BTRC: variants seen among roughly 807,000 people sequenced by gnomAD.
BTRC encodes F-box/WD repeat-containing protein 1A.
BTRC carries 42 observed loss-of-function variants against 85.5 expected under a neutral mutation model. The observed-to-expected ratio is 0.49, with a 90% CI of 0.38 to 0.64. The LOEUF (loss-of-function observed/expected upper bound fraction) is 0.64. Among genes scored for constraint, BTRC ranks in the 30% least tolerant of loss-of-function variants. The probability of loss-of-function intolerance (pLI) is 0.00; values close to 1 mark genes in which losing one functional copy is unlikely to be tolerated. For synonymous variants in BTRC, 255 were observed against 263.3 expected, an observed-to-expected ratio of 0.97 and a Z score of 0.30; for missense variants, 594 against 743.5, an observed-to-expected ratio of 0.80 and a Z score of 2.34.
At chr10:101,390,669 T>A (rs1589413801) in intron 1 of BTRC, among the ~76,000 whole-genome samples, 1 of 151,868 alleles carries the variant, frequency 6.6e-6, no homozygotes, top group African/African-American at 2.4e-5. Flanking sequence ...TTTAGTTTTT[T>A]AAAAGACATT....
intron 1 of BTRC, among the ~76,000 whole-genome samples, chr10:101,382,919 A>C (rs1454033046): frequency 6.6e-6 from 1 of 152,148 alleles, no homozygotes; most frequent in African/African-American, 2.4e-5. Flanking sequence ...TACATTGTAA[A>C]AAAGATAAAG....
In BTRC at chr10:101,365,186, G is replaced by A. The variant is rs138381840; in HGVS notation, c.48+10958G>A. Among the ~76,000 whole-genome samples the A allele has an allele frequency of 2.5e-3, 383 of 151,496 alleles. 2 individuals are homozygous for A. Among genetic ancestry groups the A allele is most frequent in the African/African-American group, 8.8e-3 (363 of 41,336 alleles). On this transcript the variant is annotated intron_variant, in intron 1 of 14. Coordinates refer to ENST00000370187, the MANE Select transcript of BTRC (RefSeq NM_033637.4). ...CCTCCCGGGTTCAAGTGATTCTCCT[G>A]CCTTAGCTTCCTGAGTAGCTGGGAT...
chr10:101,432,811 A>G (rs1457861451), intron 2 of BTRC, among the ~76,000 whole-genome samples: 3 of 152,184 alleles, frequency 2.0e-5, no homozygotes, highest in Non-Finnish European at 4.4e-5. Flanking sequence ...TCCTCTCCCC[A>G]TGGAGTCATG....
chr10:101,473,135 C>CT (rs35827933), intron 3 of BTRC, among the ~76,000 whole-genome samples: 45,342 of 147,386 alleles, frequency 0.31, 8,942 homozygotes, highest in East Asian at 0.67. Context: ...TAAGACCGAT[C>CT]TTTTTTTTTT....
At chr10:101,490,833 C>G (rs975152961) in intron 4 of BTRC, among the ~76,000 whole-genome samples, 2 of 151,948 alleles carry the variant, frequency 1.3e-5, no homozygotes, top group Admixed American at 6.6e-5. Flanking sequence ...CCTAGGTGGG[C>G]GGATCACTTG....
At chr10:101,374,551 A>G (rs1220735003) in intron 1 of BTRC, among the ~76,000 whole-genome samples, 2 of 144,756 alleles carry the variant, frequency 1.4e-5, no homozygotes, top group Non-Finnish European at 3.0e-5. Context: ...CAAACACCGC[A>G]TATTCTCACT....
At chr10:101,362,603 C>G (rs990753041) in intron 1 of BTRC, among the ~76,000 whole-genome samples, 4 of 151,428 alleles carry the variant, frequency 2.6e-5, no homozygotes, top group African/African-American at 9.7e-5. Flanking sequence ...CCATGTTGGT[C>G]AGGCTGGTCT....
At chr10:101,366,792 T>TATATATATTATA (rs1364182611) in intron 1 of BTRC, among the ~76,000 whole-genome samples, 1 of 88,084 alleles carries the variant, frequency 1.1e-5, no homozygotes, top group Non-Finnish European at 2.1e-5. Context: ...ATATATATTT[T>TATATATATTATA]TACATTTATA....
At chr10:101,542,958 C>T (rs1354341959) in intron 13 of BTRC, among the ~76,000 whole-genome samples, 1 of 152,156 alleles carries the variant, frequency 6.6e-6, no homozygotes, top group Non-Finnish European at 1.5e-5. Flanking sequence ...CTCACTGCAA[C>T]CTCTGCCTCC....
At chr10:101,375,583 A>G (rs1443709027) in intron 1 of BTRC, among the ~76,000 whole-genome samples, 1 of 152,250 alleles carries the variant, frequency 6.6e-6, no homozygotes, top group Non-Finnish European at 1.5e-5. Context: ...CAATAGGCAG[A>G]AAGCATCAGT....
At chr10:101,466,116 C>T (rs533751360) in intron 3 of BTRC, among the ~76,000 whole-genome samples, 27 of 152,164 alleles carry the variant, frequency 1.8e-4, no homozygotes, top group Non-Finnish European at 1.6e-4. Flanking sequence ...CTTTGCTTCT[C>T]ATTGGTGCTA....
intron 4 of BTRC, among the ~76,000 whole-genome samples, chr10:101,516,284 G>A (rs2062022898): frequency 6.6e-6 from 1 of 152,114 alleles, no homozygotes; most frequent in African/African-American, 2.4e-5. Context: ...CAATGAAATA[G>A]AACCTATTAT....
chr10:101,490,358 A>G (rs1216808559), intron 4 of BTRC, among the ~76,000 whole-genome samples: 1 of 152,142 alleles, frequency 6.6e-6, no homozygotes, highest in Non-Finnish European at 1.5e-5. Flanking sequence ...CCCAGTGTTC[A>G]GGCACTATAT....
chr10:101,487,378 A>T (rs1946017109), intron 4 of BTRC, among the ~76,000 whole-genome samples: 2 of 152,234 alleles, frequency 1.3e-5, no homozygotes, highest in African/African-American at 4.8e-5. Context: ...TACCACAATA[A>T]ATACTTACTT....
In BTRC at chr10:101,553,898, G is replaced by A. The variant is rs1312912229; in HGVS notation, c.*775G>A. 1 of 152,640 alleles carries A rather than the reference G, an allele frequency of 6.6e-6. No homozygotes were observed. Among genetic ancestry groups the A allele is most frequent in the Non-Finnish European group, 1.5e-5 (1 of 68,078 alleles). 9.5% of individuals were successfully genotyped at this position (152,640 alleles called of 1,614,324 possible). A position where few individuals can be genotyped will look rare whatever the true frequency, so the allele number is the denominator to read the frequency against. ...GATCAGCCAGAAAATGCAACACTTG[G>A]AAGAGTTAAATGCTGTTCAGTGAAG... On this transcript the variant is annotated 3_prime_UTR_variant, in exon 15 of 15. Coordinates refer to ENST00000370187, the MANE Select transcript of BTRC (RefSeq NM_033637.4).
intron 4 of BTRC, among the ~76,000 whole-genome samples, chr10:101,502,819 G>A (rs1000786567): frequency 1.8e-4 from 28 of 152,132 alleles, no homozygotes; most frequent in Non-Finnish European, 3.4e-4. Flanking sequence ...CTATTTTAAA[G>A]TGAAAGTTTC....
Position 101,354,180 on chromosome 10 carries a change from T to C in BTRC, c.-1T>C. On this transcript the variant is annotated 5_prime_UTR_variant, in exon 1 of 15. Coordinates refer to ENST00000370187, the MANE Select transcript of BTRC (RefSeq NM_033637.4). ...GAGCGGACCCAGTGGCCTCGGCGAT[T>C]ATGGACCCGGCCGAGGCGGTGCTGC... 3 of 1,548,796 alleles carry C rather than the reference T, an allele frequency of 1.9e-6. No individual in the cohort carries two copies. Among genetic ancestry groups the C allele is most frequent in the Non-Finnish European group, 2.6e-6 (3 of 1,146,628 alleles).
At chr10:101,403,938 T>C (rs963105148) in intron 1 of BTRC, among the ~76,000 whole-genome samples, 3 of 149,856 alleles carry the variant, frequency 2.0e-5, no homozygotes, top group Non-Finnish European at 4.4e-5. Context: ...GGTACTCTCT[T>C]TCTTTCAAGA....
At chr10:101,438,056 C>T (rs1405211496) in intron 2 of BTRC, among the ~76,000 whole-genome samples, 4 of 152,082 alleles carry the variant, frequency 2.6e-5, no homozygotes, top group South Asian at 2.1e-4. Flanking sequence ...TATTCATTTT[C>T]GTACTTGATT....
Sources: gnomAD v4.1 joint callset for allele counts (sites outside exome capture counted in the v4.1 genomes callset) on GRCh38, gnomAD v4.1.1 for gene constraint, MANE v1.5 for transcripts, NCBI Gene and HGNC (gene_info 2026-07-23, HGNC 2026-07-21) for gene names.